TANGO6: variants seen among roughly 807,000 people sequenced by gnomAD.
TANGO6 encodes the protein transport and Golgi organization protein 6 homolog.
TANGO6 carries 90 observed loss-of-function variants against 114.2 expected under a neutral mutation model. The ratio of observed to expected loss-of-function variants is 0.79; its 90% confidence interval spans 0.66 to 0.94. The LOEUF (loss-of-function observed/expected upper bound fraction) is 0.94, where lower values mean the gene tolerates loss of function less well. Ranked by LOEUF, TANGO6 falls within the 40% of genes least tolerant of loss-of-function variation. The probability of loss-of-function intolerance (pLI) is 0.00; values close to 1 mark genes in which losing one functional copy is unlikely to be tolerated. For synonymous variants in TANGO6, 477 were observed against 509.8 expected, an observed-to-expected ratio of 0.94 and a Z score of 0.87; for missense variants, 1,274 against 1,315.3, an observed-to-expected ratio of 0.97 and a Z score of 0.49.
At chr16:68,970,290 C>T (rs1963689292) in intron 14 of TANGO6, among the ~76,000 whole-genome samples, 1 of 152,238 alleles carries the variant, frequency 6.6e-6, no homozygotes, top group South Asian at 2.1e-4. Context: ...GAGAGGAAGT[C>T]CAGAGCTCAT....
chr16:69,010,699 A>G (rs986383754), intron 15 of TANGO6, among the ~76,000 whole-genome samples: 2 of 152,106 alleles, frequency 1.3e-5, no homozygotes, highest in Non-Finnish European at 2.9e-5. Flanking sequence ...GATATCACCC[A>G]TCCTGTTGCT....
chr16:68,950,800 A>G (rs1963464641), intron 14 of TANGO6, among the ~76,000 whole-genome samples: 2 of 152,170 alleles, frequency 1.3e-5, no homozygotes, highest in Admixed American at 6.6e-5. Context: ...CGGAGGTTGC[A>G]GTGAGCTGAT....
chr16:68,984,952 CTGTA>C (rs1437118252), intron 15 of TANGO6, among the ~76,000 whole-genome samples: 1 of 151,670 alleles, frequency 6.6e-6, no homozygotes, highest in Admixed American at 6.6e-5. Flanking sequence ...TGTAATTACA[CTGTA>C]TGTATATATA....
intron 7 of TANGO6, 40 bp from the exon 8 acceptor site, chr16:68,900,394 G>A (rs1156917898): frequency 1.3e-6 from 2 of 1,559,974 alleles, no homozygotes; most frequent in East Asian, 2.2e-5. Flanking sequence ...CTCTGGCCAG[G>A]CAGTCATGGG....
At chr16:69,054,370 A>G (rs371722347) in intron 17 of TANGO6, among the ~76,000 whole-genome samples, 2 of 152,298 alleles carry the variant, frequency 1.3e-5, no homozygotes, top group East Asian at 1.9e-4. Context: ...CTACTCAGAC[A>G]TACTCTCAAC....
chr16:68,844,103 C>T (rs1961767937), intron 1 of TANGO6, among the ~76,000 whole-genome samples: 1 of 152,116 alleles, frequency 6.6e-6, no homozygotes, highest in Non-Finnish European at 1.5e-5. Context: ...GCGCAGGGGC[C>T]AGCATGGACC....
intron 17 of TANGO6, among the ~76,000 whole-genome samples, chr16:69,044,134 G>A (rs1443756635): frequency 1.3e-5 from 2 of 152,052 alleles, no homozygotes; most frequent in African/African-American, 2.4e-5. Flanking sequence ...GCATGATCTC[G>A]GCTTACTGCA....
At chr16:68,901,707 C>T (rs1203242599) in intron 8 of TANGO6, among the ~76,000 whole-genome samples, 2 of 152,070 alleles carry the variant, frequency 1.3e-5, no homozygotes, top group East Asian at 1.9e-4. Flanking sequence ...AGCCTGGTCT[C>T]GAACTCCTGA....
At chr16:68,899,140 G>C (rs968960113) in intron 7 of TANGO6, among the ~76,000 whole-genome samples, 2 of 151,978 alleles carry the variant, frequency 1.3e-5, no homozygotes, top group Admixed American at 6.6e-5. Flanking sequence ...CATGCATGCT[G>C]GTGTGTGCCT....
chr16:69,005,751 G>A (rs1366766544), intron 15 of TANGO6, among the ~76,000 whole-genome samples: 5 of 147,284 alleles, frequency 3.4e-5, no homozygotes, highest in African/African-American at 1.3e-4. Flanking sequence ...TTGTGCCATT[G>A]TACTCCAGCC....
chr16:68,868,562 A>G (rs1453458628), intron 4 of TANGO6, among the ~76,000 whole-genome samples: 3 of 132,624 alleles, frequency 2.3e-5, no homozygotes, highest in Non-Finnish European at 4.6e-5. Flanking sequence ...CAGTGGCGTG[A>G]TCTTGGCTCA....
chr16:68,956,291 A>T (rs1167904106), intron 14 of TANGO6, among the ~76,000 whole-genome samples: 1 of 152,230 alleles, frequency 6.6e-6, no homozygotes, highest in Admixed American at 6.5e-5. Flanking sequence ...CTATGAGGTG[A>T]ACTGAACATA....
At chr16:69,010,113 A>C (rs1964131633) in intron 15 of TANGO6, among the ~76,000 whole-genome samples, 1 of 152,140 alleles carries the variant, frequency 6.6e-6, no homozygotes, top group Non-Finnish European at 1.5e-5. Context: ...CCCTCACTAA[A>C]TGGAGCAGTC....
Position 68,931,894 on chromosome 16 carries a change from G to A in TANGO6, c.2701+1599G>A, listed in dbSNP as rs144253999. 4.1e-3 allele frequency among the ~76,000 whole-genome samples: 616 copies of A among 151,962 alleles called. 5 individuals are homozygous for A. The highest frequency in any genetic ancestry group is 0.014 in the African/African-American group (581 of 41,434). ...TTTTAAGATGGAGTCTCACTCTGTC[G>A]CCCAGGCTGGAGTGCAGTGGCACAA... On this transcript the variant is annotated intron_variant, in intron 14 of 17. Transcript: ENST00000261778.
chr16:68,995,761 G>T (rs1238773013), intron 15 of TANGO6, among the ~76,000 whole-genome samples: 1 of 152,102 alleles, frequency 6.6e-6, no homozygotes, highest in Non-Finnish European at 1.5e-5. Context: ...CATGCCTTAC[G>T]AAGTTAAACA....
In TANGO6 at chr16:69,083,529, C is replaced by T. The variant is rs755392363; in HGVS notation, c.3153C>T (p.His1051=). The T allele has an allele frequency of 5.6e-6, 9 of 1,612,430 alleles. No individual in the cohort carries two copies. Among genetic ancestry groups the T allele is most frequent in the South Asian group, 1.1e-5 (1 of 90,576 alleles). Residue 1051 remains histidine (H), a synonymous_variant, in exon 18 of 18, where the codon CAC becomes CAT. Transcript: ENST00000261778. ...VLKDLYHLLK[H]VVCLEPDDVA... is the part of the protein sequence containing the mutation. ...AGGATCTCTACCACCTGCTGAAGCA[C>T]GTAGTGTGTCTGGAGCCCGATGACG... is the stretch of plus-strand genomic sequence containing the variant.
At position 68,958,430 on chromosome 16, in the gene TANGO6, A is replaced by G. The variant is rs540047203; in HGVS notation, c.2702-15598A>G. ...CTTGAACCTGGGAGGCGGAGGTTGC[A>G]GTGAGCTGAGATCGCGCCACTGCAC... On this transcript the variant is annotated intron_variant, in intron 14 of 17. Transcript: ENST00000261778. 3.5e-5 allele frequency among the ~76,000 whole-genome samples: 5 copies of G among 144,222 alleles called. No individual in the cohort carries two copies. The East Asian group carries it at 8.8e-4, about 26-fold the overall frequency. 94.6% of individuals were successfully genotyped at this position (144,222 alleles called of 152,430 possible).
chr16:69,049,144 A>G (rs1431036776), intron 17 of TANGO6, among the ~76,000 whole-genome samples: 1 of 152,172 alleles, frequency 6.6e-6, no homozygotes, highest in Non-Finnish European at 1.5e-5. Context: ...CAATTTTAGC[A>G]TATTCATAAA....
At chr16:68,854,984 T>C (rs941835395) in intron 1 of TANGO6, among the ~76,000 whole-genome samples, 1 of 151,750 alleles carries the variant, frequency 6.6e-6, no homozygotes, top group Non-Finnish European at 1.5e-5. Context: ...TATAGATCAA[T>C]TTGTGGACAA....
Sources: gnomAD v4.1 joint callset for allele counts (sites outside exome capture counted in the v4.1 genomes callset) on GRCh38, gnomAD v4.1.1 for gene constraint, MANE v1.5 for transcripts, NCBI Gene and HGNC (gene_info 2026-07-23, HGNC 2026-07-21) for gene names.